SLC5A8: variants seen among roughly 807,000 people sequenced by gnomAD.
The protein encoded by SLC5A8 is solute carrier family 5 member 8, also known as sodium-coupled monocarboxylate transporter 1.
Under a neutral mutation model 71.9 loss-of-function variants are expected in SLC5A8, and 55 were observed. The observed-to-expected ratio is 0.77, with a 90% CI of 0.62 to 0.96. The LOEUF (loss-of-function observed/expected upper bound fraction) is 0.96, where lower values mean the gene tolerates loss of function less well. Among genes scored for constraint, SLC5A8 ranks in the 40% least tolerant of loss-of-function variants. The pLI, the probability that SLC5A8 is intolerant of heterozygous loss-of-function variation, is 0.00. For missense variants in SLC5A8, 701 were observed against 745.3 expected (o/e 0.94, Z 0.69); for synonymous variants, 307 against 276.1 (o/e 1.11, Z -1.11).
intron 9 of SLC5A8, among the ~76,000 whole-genome samples, chr12:101,182,043 A>C (rs1428736148): frequency 6.6e-6 from 1 of 152,196 alleles, no homozygotes; most frequent in African/African-American, 2.4e-5. Flanking sequence ...AATGCAGTAC[A>C]TTGGCAAGAT....
Position 101,210,056 on chromosome 12 carries a change from G to A in SLC5A8, c.-208C>T, listed in dbSNP as rs1312995686. 1.0e-5 allele frequency: 5 copies of A among 490,262 alleles called. No homozygotes were observed. The highest frequency in any genetic ancestry group is 8.2e-5 in the African/African-American group (4 of 48,982). 30.4% of individuals were successfully genotyped at this position (490,262 alleles called of 1,614,324 possible). On this transcript the variant is annotated 5_prime_UTR_variant, in exon 1 of 15. Coordinates refer to ENST00000536262, the MANE Select transcript of SLC5A8 (RefSeq NM_145913.5). ...GCCCCTGCACCCGCCGCTGCGAGCCGCGCCCCTCAAACCCAGGTATGGGAC... is the reference window on the plus strand; with the variant it reads ...GCCCCTGCACCCGCCGCTGCGAGCCACGCCCCTCAAACCCAGGTATGGGAC...
At chr12:101,158,598 C>CTCTCTCTATATATA (rs1411795424) in intron 13 of SLC5A8, among the ~76,000 whole-genome samples, 22 of 21,204 alleles carry the variant, frequency 1.0e-3, no homozygotes, top group Non-Finnish European at 1.4e-3. Flanking sequence ...CTCTCTCTCT[C>CTCTCTCTATATATA]TATATATATA....
intron 6 of SLC5A8, 127 bp downstream of exon 6, chr12:101,190,341 A>T: frequency 9.6e-7 from 1 of 1,036,614 alleles, no homozygotes; most frequent in Non-Finnish European, 1.4e-6. Context: ...GTAACCAAAT[A>T]TATCATTTAT....
intron 3 of SLC5A8, among the ~76,000 whole-genome samples, chr12:101,197,319 A>G (rs533202484): frequency 1.3e-5 from 2 of 152,326 alleles, no homozygotes; most frequent in South Asian, 2.1e-4. Context: ...ATAAGCCTCA[A>G]TGAAATAATG....
At chr12:101,158,596 C>A (rs368384138) in intron 13 of SLC5A8, among the ~76,000 whole-genome samples, 1,344 of 16,440 alleles carry the variant, frequency 0.082, 8 homozygotes, top group African/African-American at 0.12. Context: ...CTCTCTCTCT[C>A]TCTATATATA....
chr12:101,204,626 A>G, intron 1 of SLC5A8, 61 bp from the exon 2 acceptor site: 1 of 1,171,286 alleles, frequency 8.5e-7, no homozygotes, highest in Admixed American at 2.3e-5. Flanking sequence ...TCAGCAGCTC[A>G]AGAAGAAAAT....
In SLC5A8 at chr12:101,209,738, G is replaced by A. The variant is rs141426258; in HGVS notation, c.111C>T (p.Gly37=). Residue 37 remains glycine, a synonymous_variant, in exon 1 of 15, where the codon GGC becomes GGT. Transcript: ENST00000536262. ...AIGIYYAFAG[G]GQQTSKDFLM... ...GGAAGTCCTTGGAGGTCTGCTGGCCGCCCCCAGCGAAGGCGTAGTAGATGC... is the reference window on the plus strand; with the variant it reads ...GGAAGTCCTTGGAGGTCTGCTGGCCACCCCCAGCGAAGGCGTAGTAGATGC... 3 of 1,612,414 alleles carry A rather than the reference G, an allele frequency of 1.9e-6. No individual in the cohort carries two copies. In the African/African-American group the frequency reaches 4.0e-5, roughly 22 times the overall value.
In SLC5A8 at chr12:101,209,765, G is replaced by C. The variant is rs61738792; in HGVS notation, c.84C>G (p.Ile28Met). The C allele has an allele frequency of 1.1e-5, 17 of 1,611,004 alleles. No individual in the cohort carries two copies. Among genetic ancestry groups the C allele is most frequent in the Non-Finnish European group, 1.4e-5 (16 of 1,178,812 alleles). Residue 28 changes from isoleucine to methionine, a missense_variant, in exon 1 of 15, where the codon ATC becomes ATG. Transcript: ENST00000536262. The part of the protein sequence containing the change: ...FAGMLVISAA[I>M]GIYYAFAGGG... ...CCCCAGCGAAGGCGTAGTAGATGCC[G>C]ATGGCGGCCGAGATGACCAGCATGC... is the stretch of plus-strand genomic sequence containing the variant.
chr12:101,208,662 A>T (rs183616373), intron 1 of SLC5A8, among the ~76,000 whole-genome samples: 1 of 152,296 alleles, frequency 6.6e-6, no homozygotes, highest in African/African-American at 2.4e-5. Context: ...GTTTTCCTTA[A>T]TTGTCTTTCC....
intron 14 of SLC5A8, 105 bp from the exon 15 acceptor site, chr12:101,157,506 T>TTCTAA: frequency 7.3e-7 from 1 of 1,367,064 alleles, no homozygotes; most frequent in Non-Finnish European, 9.8e-7. Flanking sequence ...TGCATCAGCT[T>TTCTAA]TCTAATCTAC....
chr12:101,155,573 A>G lies in SLC5A8; in HGVS notation c.*1706T>C. ...GTAATCATAGCTCAATGCAGCCTTGAAATCCTGGGCTTAAGCTATCCTCCC... is the reference window on the plus strand; with the variant it reads ...GTAATCATAGCTCAATGCAGCCTTGGAATCCTGGGCTTAAGCTATCCTCCC... On this transcript the variant is annotated 3_prime_UTR_variant, in exon 15 of 15. Coordinates refer to ENST00000536262, the MANE Select transcript of SLC5A8 (RefSeq NM_145913.5). 1 of 144,562 alleles carries G rather than the reference A, an allele frequency of 6.9e-6. No individual in the cohort carries two copies. The highest frequency in any genetic ancestry group is 1.5e-5 in the Non-Finnish European group (1 of 67,310). The allele number at this position is 144,562 out of a possible 1,614,324, so 9.0% of individuals were successfully genotyped here.
At chr12:101,172,882 C>T (rs970157791) in intron 10 of SLC5A8, among the ~76,000 whole-genome samples, 3 of 152,122 alleles carry the variant, frequency 2.0e-5, no homozygotes, top group East Asian at 1.9e-4. Flanking sequence ...GTAAACCATC[C>T]GGGTGCAAGG....
intron 4 of SLC5A8, among the ~76,000 whole-genome samples, chr12:101,194,513 G>A (rs546280291): frequency 2.4e-4 from 36 of 152,288 alleles, no homozygotes; most frequent in African/African-American, 8.2e-4. Flanking sequence ...CTGCCCAAGC[G>A]GGAGTGCGGT....
At chr12:101,195,019 G>T in intron 4 of SLC5A8, 76 bp downstream of exon 4, 2 of 1,399,746 alleles carry the variant, frequency 1.4e-6, no homozygotes, top group South Asian at 1.2e-5. Flanking sequence ...ACAAGATTGC[G>T]GTATACAACA....
chr12:101,190,690 G>GT, intron 5 of SLC5A8, 82 bp from the exon 6 acceptor site: 1 of 1,297,710 alleles, frequency 7.7e-7, no homozygotes, highest in African/African-American at 1.5e-5. Context: ...TTGGAAGCAA[G>GT]CAATGCACAT....
rs184170742 is a variant in SLC5A8, at chr12:101,184,335, A to C, written c.964-113T>G. Reference sequence around the variant, plus strand: ...CGGGAACTGAAAGGAGTTATTCCACACAAATGAAATTTTCAAATACCTAAA... The same window carrying C: ...CGGGAACTGAAAGGAGTTATTCCACCCAAATGAAATTTTCAAATACCTAAA... On this transcript the variant is annotated intron_variant, in intron 7 of 14. Transcript: ENST00000536262. The C allele has an allele frequency of 1.1e-3, 921 of 844,270 alleles. 8 individuals are homozygous for C. The African/African-American group carries it at 0.015, about 13-fold the overall frequency. The allele number at this position is 844,270 out of a possible 1,614,324, so 52.3% of individuals were successfully genotyped here.
chr12:101,165,072 AT>A (rs1261868200), intron 12 of SLC5A8, among the ~76,000 whole-genome samples: 3 of 152,154 alleles, frequency 2.0e-5, no homozygotes, highest in African/African-American at 7.2e-5. Context: ...CTCCTGCTAG[AT>A]TAGAATTTTC....
intron 12 of SLC5A8, among the ~76,000 whole-genome samples, chr12:101,165,167 A>T (rs2051758021): frequency 6.6e-6 from 1 of 152,180 alleles, no homozygotes; most frequent in Non-Finnish European, 1.5e-5. Context: ...CTGGGTACAT[A>T]GTCCATGCTC....
chr12:101,161,733 A>C (rs976248930), intron 13 of SLC5A8, among the ~76,000 whole-genome samples: 1 of 152,242 alleles, frequency 6.6e-6, no homozygotes, highest in African/African-American at 2.4e-5. Context: ...GCTGAGGCTC[A>C]GTGTAGCTAT....
Sources: allele counts gnomAD v4.1 joint callset (sites outside exome capture counted in the v4.1 genomes callset), GRCh38; gene constraint gnomAD v4.1.1; transcripts MANE v1.5; gene names NCBI Gene and HGNC (gene_info 2026-07-23, HGNC 2026-07-21).